Variants in PCDHGA6 observed in about 807,000 individuals in gnomAD.
PCDHGA6 encodes the protein protocadherin gamma-A6.
A neutral mutation model predicts 60.6 loss-of-function variants in PCDHGA6; 41 were observed. The observed-to-expected ratio is 0.68, with a 90% CI of 0.53 to 0.88. The LOEUF (loss-of-function observed/expected upper bound fraction) is 0.88, where lower values mean the gene tolerates loss of function less well. Among genes scored for constraint, PCDHGA6 ranks in the 40% least tolerant of loss-of-function variants. The pLI is 0.00. For missense variants in PCDHGA6, 1,312 were observed against 1,203.0 expected (o/e 1.09, Z -1.34); for synonymous variants, 594 against 524.4 (o/e 1.13, Z -1.81).
At chr5:141,418,693 T>C (rs989725231) in intron 1 of PCDHGA6, 1 of 1,613,922 alleles carries the variant, frequency 6.2e-7, no homozygotes, top group South Asian at 1.1e-5. Context: ...CAGAGATCAC[T>C]TATTCCTTCT....
intron 1 of PCDHGA6, chr5:141,427,922 G>A: frequency 6.3e-7 from 1 of 1,580,742 alleles, no homozygotes; most frequent in Non-Finnish European, 8.6e-7. Flanking sequence ...ACATGAGCCG[G>A]CGCATGTTGG....
intron 1 of PCDHGA6, among the ~76,000 whole-genome samples, chr5:141,492,711 C>T (rs927567393): frequency 4.6e-5 from 7 of 152,254 alleles, no homozygotes; most frequent in East Asian, 3.8e-4. Flanking sequence ...AAGCCTCGAG[C>T]AGGCGGACAG....
Position 141,375,232 on chromosome 5 carries a change from C to G in PCDHGA6, c.1149C>G (p.Thr383=). 1 of 1,613,986 alleles carries G rather than the reference C, an allele frequency of 6.2e-7. No homozygotes were observed. Among genetic ancestry groups the G allele is most frequent in the Non-Finnish European group, 8.5e-7 (1 of 1,179,900 alleles). ...DRDSGLNGLV[T]CSIPRSLPFE... is the part of the protein sequence containing the mutation. ...ACTCTGGCCTGAATGGCCTGGTAAC[C>G]TGTTCCATCCCGAGAAGTCTCCCAT... The change falls in exon 1 of 4, where the codon ACC becomes ACG. Residue 383 remains threonine (T), a synonymous_variant. Coordinates refer to ENST00000517434, the MANE Select transcript of PCDHGA6 (RefSeq NM_018919.3).
chr5:141,395,643 T>A (rs2150633577), intron 1 of PCDHGA6: 1 of 171,018 alleles, frequency 5.8e-6, no homozygotes, highest in East Asian at 1.7e-4. Flanking sequence ...GCCTTGTTAT[T>A]AGCTTAGCAA....
chr5:141,460,791 C>A (rs2098997892), intron 1 of PCDHGA6, among the ~76,000 whole-genome samples: 1 of 151,666 alleles, frequency 6.6e-6, no homozygotes, highest in Non-Finnish European at 1.5e-5. Context: ...TATATACACA[C>A]AAAGTATATA....
intron 1 of PCDHGA6, chr5:141,441,551 T>C (rs2098254450): frequency 5.4e-6 from 1 of 184,050 alleles, no homozygotes; most frequent in African/African-American, 2.4e-5. Flanking sequence ...GCCTCCATAG[T>C]GTGCAAGTAG....
chr5:141,475,938 G>T (rs756781296), intron 1 of PCDHGA6: 22 of 682,776 alleles, frequency 3.2e-5, no homozygotes, highest in African/African-American at 7.2e-5. Flanking sequence ...GCCCCTGCCC[G>T]TCCCCTTTCT....
intron 1 of PCDHGA6, chr5:141,418,535 G>A: frequency 6.2e-7 from 1 of 1,614,002 alleles, no homozygotes. Context: ...AAGCGGTACT[G>A]CTCAGATAAG....
intron 1 of PCDHGA6, chr5:141,415,739 G>GGT (rs2095908308): frequency 2.3e-6 from 1 of 434,538 alleles, no homozygotes; most frequent in East Asian, 5.9e-5. Context: ...TGTTTATTAA[G>GGT]GTTTTTTTTT....
At chr5:141,484,506 G>T (rs1442936814) in intron 1 of PCDHGA6, among the ~76,000 whole-genome samples, 1 of 152,186 alleles carries the variant, frequency 6.6e-6, no homozygotes, top group Non-Finnish European at 1.5e-5. Context: ...TGAATATTCT[G>T]CAGAAGGGCA....
rs2096153349 is a variant in PCDHGA6 at position 141,417,731 on chromosome 5, C to G, written c.2424+41224C>G. 2.2e-6 allele frequency: 3 copies of G among 1,378,810 alleles called. No homozygotes were observed. In the East Asian group the frequency reaches 7.6e-5, roughly 35 times the overall value. 85.4% of individuals were successfully genotyped at this position (1,378,810 alleles called of 1,614,324 possible). A position where few individuals can be genotyped will look rare whatever the true frequency, so the allele number is the denominator to read the frequency against. On this transcript the variant is annotated intron_variant, in intron 1 of 3. Coordinates refer to ENST00000517434, the MANE Select transcript of PCDHGA6 (RefSeq NM_018919.3). ...AGGCTCCCGGCTGCGCAGACCTTGC[C>G]CAGCACACCAGATTGCCAGCTCCGA...
At chr5:141,479,486 A>T (rs72790065) in intron 1 of PCDHGA6, 21,264 of 152,292 alleles carry the variant, frequency 0.14, 1,529 homozygotes, top group Admixed American at 0.16. Context: ...GGGCAGGACC[A>T]TCAGGTTGCC....
At position 141,385,031 on chromosome 5, in the gene PCDHGA6, T is replaced by C; in HGVS notation, c.2424+8524T>C. The C allele has an allele frequency of 1.9e-6, 3 of 1,614,190 alleles. No individual in the cohort carries two copies. The African/African-American group carries it at 4.0e-5, about 21-fold the overall frequency. The stretch of plus-strand genomic sequence containing the variant: ...GTCTTCCTAGCCTTCGTCCTCGTAC[T>C]GCTGGCGCTCAGGCTGCGGCGCTGG... On this transcript the variant is annotated intron_variant, in intron 1 of 3. Coordinates refer to ENST00000517434, the MANE Select transcript of PCDHGA6 (RefSeq NM_018919.3).
In PCDHGA6 at chr5:141,381,826, CTTTTTT is replaced by C. The variant is rs770630741; in HGVS notation, c.2424+5336_2424+5341del. 6.8e-3 allele frequency among the ~76,000 whole-genome samples: 507 copies of C among 74,296 alleles called. 2 individuals are homozygous for C. Among genetic ancestry groups the C allele is most frequent in the Non-Finnish European group, 8.2e-3 (349 of 42,396 alleles). 48.7% of individuals were successfully genotyped at this position (74,296 alleles called of 152,430 possible). On this transcript the variant is annotated intron_variant, in intron 1 of 3. Transcript: ENST00000517434. ...TTTCTTTCTTTCTTTCTTTCTTCTT[CTTTTTT>C]TTTTTTTTTTTTTTTTGGCAGAGTT... is the stretch of plus-strand genomic sequence containing the variant.
chr5:141,490,951 T>G lies in PCDHGA6; in HGVS notation c.2425-3856T>G, dbSNP rs778168052. On this transcript the variant is annotated intron_variant, in intron 1 of 3. Transcript: ENST00000517434. The surrounding 1 kb of genome is among the most constrained non-coding windows in gnomAD (Gnocchi z 5.4). ...AGCTGTGCTGCACCCACGGCCAGACTGGGAACACTCAGCCCCCCAGCGTCT... is the reference window on the plus strand; with the variant it reads ...AGCTGTGCTGCACCCACGGCCAGACGGGGAACACTCAGCCCCCCAGCGTCT... The G allele has an allele frequency of 6.2e-7, 1 of 1,613,638 alleles. No individual in the cohort carries two copies. The highest frequency in any genetic ancestry group is 1.3e-5 in the African/African-American group (1 of 74,900).
At chr5:141,458,434 G>T (rs535464730) in intron 1 of PCDHGA6, among the ~76,000 whole-genome samples, 1 of 152,198 alleles carries the variant, frequency 6.6e-6, no homozygotes, top group African/African-American at 2.4e-5. Context: ...GAAAGAGGAG[G>T]TCCCCCACAT....
intron 3 of PCDHGA6, 43 bp downstream of exon 3, chr5:141,505,524 G>A: frequency 6.2e-7 from 1 of 1,612,712 alleles, no homozygotes; most frequent in Non-Finnish European, 8.5e-7. Context: ...GGAGACCTGG[G>A]GTTCTGGGGT....
At position 141,476,580 on chromosome 5, in the gene PCDHGA6, C is replaced by T. The variant is rs1463314107; in HGVS notation, c.2425-18227C>T. 6 of 1,614,126 alleles carry T rather than the reference C, an allele frequency of 3.7e-6. No homozygotes were observed. Among genetic ancestry groups the T allele is most frequent in the Non-Finnish European group, 5.1e-6 (6 of 1,180,052 alleles). The stretch of plus-strand genomic sequence containing the variant: ...GCCGTGGCTCCGGGGACGCGCTTTC[C>T]GCTCGAGAGCGCGCACGATCCCGAT... On this transcript the variant is annotated intron_variant, in intron 1 of 3. Transcript: ENST00000517434. This position sits in a 1 kb window ranked among gnomAD's most constrained non-coding sequence, Gnocchi z 7.6.
At position 141,399,956 on chromosome 5, in the gene PCDHGA6, C is replaced by T. The variant is rs760477759; in HGVS notation, c.2424+23449C>T. On this transcript the variant is annotated intron_variant, in intron 1 of 3. Coordinates refer to ENST00000517434, the MANE Select transcript of PCDHGA6 (RefSeq NM_018919.3). ...TACCACGTGCTGCAGGCTAGCGAGC[C>T]CGGGCTCTTCAGCCTGGGGCTGCGC... is the stretch of plus-strand genomic sequence containing the variant. 106 of 1,612,048 alleles carry T rather than the reference C, an allele frequency of 6.6e-5. No homozygotes were observed. Among genetic ancestry groups the T allele is most frequent in the Middle Eastern group, 1.9e-4 (1 of 5,240 alleles).
Sources: gnomAD v4.1 joint callset for allele counts (sites outside exome capture counted in the v4.1 genomes callset) on GRCh38, gnomAD v4.1.1 for gene constraint, Gnocchi (gnomAD v3.1) non-coding constraint, MANE v1.5 for transcripts, NCBI Gene and HGNC (gene_info 2026-07-23, HGNC 2026-07-21) for gene names.